POLR2E: variants seen among roughly 807,000 people sequenced by gnomAD.
POLR2E encodes the protein RNA polymerase II, I and III subunit E, also known as DNA-directed RNA polymerases I, II, and III subunit RPABC1.
A neutral mutation model predicts 29.8 loss-of-function variants in POLR2E; 35 were observed. The observed-to-expected ratio is 1.17, with a 90% CI of 0.90 to 1.55. POLR2E has a LOEUF of 1.55. POLR2E is among the 40% of genes most tolerant of loss of function. The pLI, the probability that POLR2E is intolerant of heterozygous loss-of-function variation, is 0.00. For synonymous variants in POLR2E, 174 were observed against 112.6 expected (o/e 1.55, Z -3.45); for missense variants, 287 against 288.6 (o/e 0.99, Z 0.04).
intron 3 of POLR2E, among the ~76,000 whole-genome samples, chr19:1,091,271 C>T (rs775426721): frequency 1.1e-4 from 17 of 152,228 alleles, no homozygotes; most frequent in Non-Finnish European, 2.4e-4. Flanking sequence ...GGCAGGGCGA[C>T]CTCTTCCCCA....
chr19:1,094,962 C>A lies in POLR2E; in HGVS notation c.57+297G>T. ...AAGGGCAGAGTCTGGGGGCGCCCCCCGTCCCCATTCGCGGCTTCCTCCTCC... is the reference window on the plus strand; with the variant it reads ...AAGGGCAGAGTCTGGGGGCGCCCCCAGTCCCCATTCGCGGCTTCCTCCTCC... On this transcript the variant is annotated intron_variant, in intron 1 of 7. Transcript: ENST00000615234. The A allele has an allele frequency of 8.0e-6, 4 of 498,428 alleles. No homozygotes were observed. In the South Asian group the frequency reaches 1.2e-4, roughly 15 times the overall value. 30.9% of individuals were successfully genotyped at this position (498,428 alleles called of 1,614,324 possible).
chr19:1,091,837 C>T lies in POLR2E; in HGVS notation c.303G>A (p.Arg101=). The T allele has an allele frequency of 6.2e-7, 1 of 1,613,066 alleles. No individual in the cohort carries two copies. The highest frequency in any genetic ancestry group is 8.5e-7 in the Non-Finnish European group (1 of 1,179,842). ...CQRMQEENIT[R]ALIVVQQGMT... Reference sequence around the variant, plus strand: ...TGCCCTGCTGCACCACGATGAGAGCCCGTGTGATGTTCTCCTCCTGCATGC... The same window carrying T: ...TGCCCTGCTGCACCACGATGAGAGCTCGTGTGATGTTCTCCTCCTGCATGC... Residue 101 remains arginine, a synonymous_variant, in exon 3 of 8, where the codon CGG becomes CGA. Coordinates refer to ENST00000615234, the MANE Select transcript of POLR2E (RefSeq NM_002695.5).
chr19:1,092,092 T>A (rs550924205), intron 2 of POLR2E, among the ~76,000 whole-genome samples, 185 bp from the exon 3 acceptor site: 5 of 152,184 alleles, frequency 3.3e-5, no homozygotes, highest in African/African-American at 7.2e-5. Context: ...AAGAGAGGGC[T>A]GAAACCTCTC....
intron 6 of POLR2E, 61 bp downstream of exon 6, chr19:1,089,821 GCC>G: frequency 7.5e-7 from 1 of 1,325,708 alleles, no homozygotes; most frequent in Non-Finnish European, 1.1e-6. Flanking sequence ...AGGGACAGAA[GCC>G]CCCTTCTCCG....
rs756839783 is a variant in POLR2E at position 1,095,218 on chromosome 19, C to T, written c.57+41G>A. 72 of 1,605,240 alleles carry T rather than the reference C, an allele frequency of 4.5e-5. No homozygotes were observed. The Admixed American group carries it at 9.0e-4, about 20-fold the overall frequency. ...CGACCCCACCTCGGGCCCCTACACC[C>T]GCCGCCCGCGCCCCCGCCCCCAACA... is the stretch of plus-strand genomic sequence containing the variant. On this transcript the variant is annotated intron_variant, in intron 1 of 7. Coordinates refer to ENST00000615234, the MANE Select transcript of POLR2E (RefSeq NM_002695.5).
intron 1 of POLR2E, 140 bp from the exon 2 acceptor site, chr19:1,094,218 T>C (rs2043896778): frequency 2.8e-6 from 2 of 711,250 alleles, no homozygotes; most frequent in African/African-American, 1.8e-5. Context: ...GTGTGCTCCA[T>C]GACAGCCACC....
chr19:1,094,554 AAT>A (rs1270156139), intron 1 of POLR2E: 1 of 158,708 alleles, frequency 6.3e-6, no homozygotes, highest in Non-Finnish European at 1.4e-5. Flanking sequence ...AAAAAAAAAA[AAT>A]GACAGGGACC....
intron 2 of POLR2E, among the ~76,000 whole-genome samples, chr19:1,093,510 C>T (rs1022320545): frequency 1.3e-5 from 2 of 152,092 alleles, no homozygotes; most frequent in Non-Finnish European, 2.9e-5. Context: ...GGGCAGGGGC[C>T]GCAGCTCACA....
At chr19:1,090,235 A>C in intron 4 of POLR2E, 90 bp from the exon 5 acceptor site, 1 of 1,121,626 alleles carries the variant, frequency 8.9e-7, no homozygotes, top group Non-Finnish European at 1.3e-6. Context: ...GCGCCTTCAG[A>C]CGGACAAGAG....
chr19:1,087,460 G>A lies in POLR2E; in HGVS notation c.*1275C>T, dbSNP rs1234417025. On this transcript the variant is annotated 3_prime_UTR_variant, in exon 8 of 8. Transcript: ENST00000615234. ...GAGCCACCGCGCCCGGCCACCTCCA[G>A]AATTTTCTCATCTTCCCAAACTAAA... is the stretch of plus-strand genomic sequence containing the variant. The A allele has an allele frequency of 6.6e-6, 1 of 152,240 alleles. No individual in the cohort carries two copies. Among genetic ancestry groups the A allele is most frequent in the Admixed American group, 6.6e-5 (1 of 15,264 alleles). 9.4% of individuals were successfully genotyped at this position (152,240 alleles called of 1,614,324 possible).
rs1175653028 is a variant in POLR2E, at chr19:1,087,343, G to T, written c.*1392C>A. On this transcript the variant is annotated 3_prime_UTR_variant, in exon 8 of 8. Coordinates refer to ENST00000615234, the MANE Select transcript of POLR2E (RefSeq NM_002695.5). ...AATTTTTGTATTTTTTGCAGTGATGGGATTTTGCCATGTTGGTCAGGCTGG... is the reference window on the plus strand; with the variant it reads ...AATTTTTGTATTTTTTGCAGTGATGTGATTTTGCCATGTTGGTCAGGCTGG... 5 of 151,906 alleles carry T rather than the reference G, an allele frequency of 3.3e-5. No homozygotes were observed. Among genetic ancestry groups the T allele is most frequent in the East Asian group, 1.9e-4 (1 of 5,172 alleles). 9.4% of individuals were successfully genotyped at this position (151,906 alleles called of 1,614,324 possible).
At chr19:1,093,871 T>G (rs766282414) in intron 2 of POLR2E, 33 bp downstream of exon 2, 3 of 1,536,388 alleles carry the variant, frequency 2.0e-6, no homozygotes, top group African/African-American at 1.4e-5. Flanking sequence ...CTCTGGTGGC[T>G]TCACCGGAAC....
chr19:1,091,296 T>C (rs2043823458), intron 3 of POLR2E, among the ~76,000 whole-genome samples: 1 of 152,204 alleles, frequency 6.6e-6, no homozygotes, highest in Non-Finnish European at 1.5e-5. Context: ...GGGGTGCTGC[T>C]CTGTGTGGCT....
At chr19:1,095,160 T>A in intron 1 of POLR2E, 99 bp downstream of exon 1, 2 of 1,291,378 alleles carry the variant, frequency 1.5e-6, no homozygotes, top group Non-Finnish European at 2.2e-6. Context: ...TCATCGCTGC[T>A]GCTCCGACGA....
chr19:1,087,726 C>T lies in POLR2E; in HGVS notation c.*1009G>A, dbSNP rs1332489186. 1 of 152,328 alleles carries T rather than the reference C, an allele frequency of 6.6e-6. No individual in the cohort carries two copies. Among genetic ancestry groups the T allele is most frequent in the Non-Finnish European group, 1.5e-5 (1 of 68,070 alleles). 9.4% of individuals were successfully genotyped at this position (152,328 alleles called of 1,614,324 possible). A position where few individuals can be genotyped will look rare whatever the true frequency, so the allele number is the denominator to read the frequency against. The stretch of plus-strand genomic sequence containing the variant: ...CACTGTCCCCATCACACACACAGTC[C>T]GCGGCCTGGGGATCTGGGGACCCTG... On this transcript the variant is annotated 3_prime_UTR_variant, in exon 8 of 8. Coordinates refer to ENST00000615234, the MANE Select transcript of POLR2E (RefSeq NM_002695.5).
intron 2 of POLR2E, among the ~76,000 whole-genome samples, chr19:1,093,135 G>A (rs574422215): frequency 1.5e-3 from 224 of 151,998 alleles, no homozygotes; most frequent in Middle Eastern, 0.01. Flanking sequence ...GCAGCAAGCC[G>A]AGATGGCACC....
In POLR2E at chr19:1,095,196, C is replaced by T; in HGVS notation, c.57+63G>A. The T allele has an allele frequency of 5.9e-6, 9 of 1,529,186 alleles. No individual in the cohort carries two copies. The East Asian group carries it at 9.1e-5, about 15-fold the overall frequency. 94.7% of individuals were successfully genotyped at this position (1,529,186 alleles called of 1,614,324 possible). On this transcript the variant is annotated intron_variant, in intron 1 of 7. Coordinates refer to ENST00000615234, the MANE Select transcript of POLR2E (RefSeq NM_002695.5). ...GAGTACGAGGAGACGCCGTGCTCGA[C>T]CCCACCTCGGGCCCCTACACCCGCC...
At position 1,095,014 on chromosome 19, in the gene POLR2E, C is replaced by A. The variant is rs1408587412; in HGVS notation, c.57+245G>T. On this transcript the variant is annotated intron_variant, in intron 1 of 7. Coordinates refer to ENST00000615234, the MANE Select transcript of POLR2E (RefSeq NM_002695.5). ...CTCGCCGCCACGCGCGCCGCACCAG[C>A]CCAAGCCGCCCACCCACCCCTAAGC... The A allele has an allele frequency of 7.1e-5, 35 of 491,934 alleles. No homozygotes were observed. In the Admixed American group the frequency reaches 1.3e-3, roughly 18 times the overall value. The allele number at this position is 491,934 out of a possible 1,614,324, so 30.5% of individuals were successfully genotyped here.
rs75980053 is a variant in POLR2E, at chr19:1,089,364, A to C, written c.*14+108T>G. On this transcript the variant is annotated intron_variant, in intron 7 of 7. Transcript: ENST00000615234. ...CTGGTGGCCCAGCTGGGCTGGTGCT[A>C]GGAGGGTCTTGCTGCCGGACAAAGC... 5,068 of 728,686 alleles carry C rather than the reference A, an allele frequency of 7.0e-3. 196 individuals are homozygous for C. In the African/African-American group the frequency reaches 0.079, roughly 11 times the overall value. The allele number at this position is 728,686 out of a possible 1,614,324, so 45.1% of individuals were successfully genotyped here.
Sources: allele counts gnomAD v4.1 joint callset (sites outside exome capture counted in the v4.1 genomes callset), GRCh38; gene constraint gnomAD v4.1.1; transcripts MANE v1.5; gene names NCBI Gene and HGNC (gene_info 2026-07-23, HGNC 2026-07-21).